Variants in RAPGEF1 observed in about 807,000 individuals in gnomAD.
RAPGEF1 encodes the protein Rap guanine nucleotide exchange factor 1, also known as CRK SH3-binding GNRP.
RAPGEF1 carries 33 observed loss-of-function variants against 143.3 expected under a neutral mutation model. That is an observed-to-expected ratio of 0.23 (90% CI 0.17 to 0.31). The LOEUF (loss-of-function observed/expected upper bound fraction) is 0.31, where lower values mean the gene tolerates loss of function less well. RAPGEF1 is among the 10% of genes least tolerant of loss of function. The pLI is 1.00. For missense variants in RAPGEF1, 1,199 were observed against 1,645.4 expected, an observed-to-expected ratio of 0.73 and a Z score of 4.69; for synonymous variants, 629 against 676.5, an observed-to-expected ratio of 0.93 and a Z score of 1.09.
At position 131,682,659 on chromosome 9, in the gene RAPGEF1, T is replaced by C. The variant is rs555768975; in HGVS notation, c.62-31710A>G. Among the ~76,000 whole-genome samples the C allele has an allele frequency of 1.8e-4, 28 of 152,306 alleles. 2 individuals are homozygous for C. The highest frequency in any genetic ancestry group is 6.0e-4 in the African/African-American group (25 of 41,566). On this transcript the variant is annotated intron_variant, in intron 1 of 26. Coordinates refer to ENST00000683357, the MANE Select transcript of RAPGEF1 (RefSeq NM_001377935.1). ...GAGAGTGCATAGCACAGCTCCTGAT[T>C]GTGCCGTATGGGGGAATGGGGAAAA... is the stretch of plus-strand genomic sequence containing the variant.
At chr9:131,592,205 A>C in intron 17 of RAPGEF1, 22 bp from the exon 18 acceptor site, 3 of 1,563,698 alleles carry the variant, frequency 1.9e-6, no homozygotes, top group Non-Finnish European at 2.6e-6. Context: ...AAACAATGCA[A>C]ACTGCTTGTC....
chr9:131,605,649 CT>C (rs1957002892), intron 12 of RAPGEF1, among the ~76,000 whole-genome samples: 1 of 152,172 alleles, frequency 6.6e-6, no homozygotes, highest in African/African-American at 2.4e-5. Flanking sequence ...ACCTTGAATG[CT>C]TTTGGAAAGG....
chr9:131,679,435 T>G (rs1023965607), intron 1 of RAPGEF1, among the ~76,000 whole-genome samples: 1 of 152,206 alleles, frequency 6.6e-6, no homozygotes, highest in Non-Finnish European at 1.5e-5. Context: ...AACGGTGGAT[T>G]AGAAGCTCAC....
chr9:131,635,278 C>T (rs189088221), intron 5 of RAPGEF1, among the ~76,000 whole-genome samples: 16 of 152,256 alleles, frequency 1.1e-4, no homozygotes, highest in African/African-American at 3.9e-4. Context: ...CTACTTGAAA[C>T]TCAGGGAAGT....
At chr9:131,687,177 T>C (rs950694184) in intron 1 of RAPGEF1, among the ~76,000 whole-genome samples, 1 of 152,146 alleles carries the variant, frequency 6.6e-6, no homozygotes, top group African/African-American at 2.4e-5. Context: ...ATAACTTGCA[T>C]ACAGTTTTTT....
intron 1 of RAPGEF1, among the ~76,000 whole-genome samples, chr9:131,717,725 C>T (rs948164134): frequency 2.0e-5 from 3 of 148,476 alleles, no homozygotes; most frequent in Non-Finnish European, 4.4e-5. Context: ...CAAGACTGCA[C>T]CACTGCACTC....
chr9:131,720,620 T>C (rs971391714), intron 1 of RAPGEF1, among the ~76,000 whole-genome samples: 1 of 152,202 alleles, frequency 6.6e-6, no homozygotes, highest in Non-Finnish European at 1.5e-5. Flanking sequence ...CAGATGACCC[T>C]GTCAGCAACA....
chr9:131,717,715 C>T (rs1309638293), intron 1 of RAPGEF1, among the ~76,000 whole-genome samples: 1 of 134,130 alleles, frequency 7.5e-6, no homozygotes, highest in Non-Finnish European at 1.5e-5. Flanking sequence ...TGCAGTGAGC[C>T]AAGACTGCAC....
chr9:131,682,262 G>A (rs1275289058), intron 1 of RAPGEF1, among the ~76,000 whole-genome samples: 2 of 152,218 alleles, frequency 1.3e-5, no homozygotes, highest in African/African-American at 4.8e-5. Flanking sequence ...GGAAAACATT[G>A]GGCTAATCAG....
At chr9:131,590,480 GTC>G (rs1460193824) in intron 18 of RAPGEF1, among the ~76,000 whole-genome samples, 1 of 152,192 alleles carries the variant, frequency 6.6e-6, no homozygotes, top group East Asian at 1.9e-4. Flanking sequence ...ACCGGGCCGG[GTC>G]TCTCTTCCCA....
chr9:131,662,028 A>C (rs1447159370), intron 1 of RAPGEF1, among the ~76,000 whole-genome samples: 1 of 152,232 alleles, frequency 6.6e-6, no homozygotes, highest in Non-Finnish European at 1.5e-5. Context: ...TATACTTTTA[A>C]TAATAGTATC....
rs1311644029 is a variant in RAPGEF1 at position 131,641,699 on chromosome 9, G to A, written c.494+1540C>T. The stretch of plus-strand genomic sequence containing the variant: ...GCTGTGGCATGACGTCAGCACATGC[G>A]CTCCTAGGAGCCCAGCACCGAACAC... On this transcript the variant is annotated intron_variant, in intron 4 of 26. Coordinates refer to ENST00000683357, the MANE Select transcript of RAPGEF1 (RefSeq NM_001377935.1). This position sits in a 1 kb window ranked among gnomAD's most constrained non-coding sequence, Gnocchi z 4.6. Among the ~76,000 whole-genome samples, 3 of 152,216 alleles carry A rather than the reference G, an allele frequency of 2.0e-5. No homozygotes were observed. The highest frequency in any genetic ancestry group is 7.2e-5 in the African/African-American group (3 of 41,454).
Position 131,660,439 on chromosome 9 carries a change from A to AT in RAPGEF1, c.62-9491_62-9490insA, listed in dbSNP as rs1973720889. On this transcript the variant is annotated intron_variant, in intron 1 of 26. Transcript: ENST00000683357. The stretch of plus-strand genomic sequence containing the variant: ...CCACACACAGCAGAAATATTTTTTC[A>AT]CTTTTTTTTTTTTTAAACAACAAGC... Among the ~76,000 whole-genome samples, 4 of 54,774 alleles carry AT rather than the reference A, an allele frequency of 7.3e-5. No homozygotes were observed. In the East Asian group the frequency reaches 1.8e-3, roughly 25 times the overall value. 35.9% of individuals were successfully genotyped at this position (54,774 alleles called of 152,430 possible). A position where few individuals can be genotyped will look rare whatever the true frequency, so the allele number is the denominator to read the frequency against.
Position 131,606,749 on chromosome 9 carries a change from G to A in RAPGEF1, c.2062-1561C>T, listed in dbSNP as rs577667330. On this transcript the variant is annotated intron_variant, in intron 12 of 26. Coordinates refer to ENST00000683357, the MANE Select transcript of RAPGEF1 (RefSeq NM_001377935.1). ...AACAATCCTCCCACCTCGGGTTCCT[G>A]AGTAGCTGGGACCACAGGTGCATGT... is the stretch of plus-strand genomic sequence containing the variant. Among the ~76,000 whole-genome samples, 132 of 152,242 alleles carry A rather than the reference G, an allele frequency of 8.7e-4. No homozygotes were observed. In the Middle Eastern group the frequency reaches 0.01, roughly 12 times the overall value.
intron 1 of RAPGEF1, among the ~76,000 whole-genome samples, chr9:131,681,792 A>C (rs180721795): frequency 6.6e-6 from 1 of 152,082 alleles, no homozygotes; most frequent in East Asian, 1.9e-4. Flanking sequence ...AGAGCTGGGG[A>C]AAAAATCACT....
intron 1 of RAPGEF1, among the ~76,000 whole-genome samples, chr9:131,660,440 C>CTTT (rs11390314): frequency 7.8e-4 from 116 of 148,928 alleles, no homozygotes; most frequent in South Asian, 1.7e-3. Flanking sequence ...TATTTTTTCA[C>CTTT]TTTTTTTTTT....
chr9:131,621,704 G>A lies in RAPGEF1; in HGVS notation c.1905+92C>T. The A allele has an allele frequency of 7.6e-7, 1 of 1,313,024 alleles. No homozygotes were observed. Among genetic ancestry groups the A allele is most frequent in the Admixed American group, 2.0e-5 (1 of 49,114 alleles). 81.3% of individuals were successfully genotyped at this position (1,313,024 alleles called of 1,614,324 possible). On this transcript the variant is annotated intron_variant, in intron 11 of 26. Transcript: ENST00000683357. This position sits in a 1 kb window ranked among gnomAD's most constrained non-coding sequence, Gnocchi z 4.5. ...ACCAGGGCCCTGCCACAGCAGGGAG[G>A]AGGGTTAACCCTGCCCCCAAGGAGG...
chr9:131,659,964 G>C (rs1449638181), intron 1 of RAPGEF1, among the ~76,000 whole-genome samples: 2 of 152,036 alleles, frequency 1.3e-5, no homozygotes, highest in African/African-American at 4.8e-5. Context: ...AACTACAGGC[G>C]CCCGCCACCA....
chr9:131,689,401 T>C (rs1833610495), intron 1 of RAPGEF1, among the ~76,000 whole-genome samples: 1 of 152,212 alleles, frequency 6.6e-6, no homozygotes, highest in Non-Finnish European at 1.5e-5. Context: ...TGGCATTTCC[T>C]GAACTCCTTC....
Sources: gnomAD v4.1 joint callset for allele counts (sites outside exome capture counted in the v4.1 genomes callset) on GRCh38, gnomAD v4.1.1 for gene constraint, Gnocchi (gnomAD v3.1) non-coding constraint, MANE v1.5 for transcripts, NCBI Gene and HGNC (gene_info 2026-07-23, HGNC 2026-07-21) for gene names.